Variants in RORC observed in about 807,000 individuals in gnomAD.
The protein encoded by RORC is nuclear receptor ROR-gamma.
RORC carries 13 observed loss-of-function variants against 64.5 expected under a neutral mutation model. The observed-to-expected ratio is 0.20, with a 90% CI of 0.13 to 0.32. RORC has a LOEUF of 0.32. RORC is among the 10% of genes least tolerant of loss of function. RORC has a pLI of 1.00. For synonymous variants in RORC, 277 were observed against 259.3 expected (o/e 1.07, Z -0.65); for missense variants, 468 against 669.5 (o/e 0.70, Z 3.32).
intron 2 of RORC, among the ~76,000 whole-genome samples, chr1:151,818,197 A>G (rs1651845337): frequency 6.6e-6 from 1 of 152,110 alleles, no homozygotes; most frequent in South Asian, 2.1e-4. Flanking sequence ...GCTTTCCATT[A>G]TGCTGTTCTG....
intron 2 of RORC, among the ~76,000 whole-genome samples, chr1:151,819,586 T>C (rs1213015378): frequency 2.6e-5 from 4 of 152,158 alleles, no homozygotes; most frequent in Admixed American, 2.6e-4. Context: ...CAAGCCGCAG[T>C]GGGAACTCGG....
Position 151,829,450 on chromosome 1 carries a change from C to T in RORC, c.49G>A (p.Ala17Thr). 6.5e-7 allele frequency: 1 copy of T among 1,535,810 alleles called. No homozygotes were observed. The highest frequency in any genetic ancestry group is 8.7e-7 in the Non-Finnish European group (1 of 1,149,044). ...RQHRASRELLAAKKTHTSQIE... is the reference protein window; with the variant it reads ...RQHRASRELLTAKKTHTSQIE... ...TCACAGGTGTGGGTCTTCTTTGCAGCCAGCAGCTCTGTAAAGACAAGAGAG... is the reference window on the plus strand; with the variant it reads ...TCACAGGTGTGGGTCTTCTTTGCAGTCAGCAGCTCTGTAAAGACAAGAGAG... Residue 17 changes from alanine to threonine, a missense_variant, in exon 2 of 11, where the codon GCT becomes ACT. Coordinates refer to ENST00000318247, the MANE Select transcript of RORC (RefSeq NM_005060.4).
chr1:151,812,071 G>C (rs1521186), intron 9 of RORC: 2 of 151,908 alleles, frequency 1.3e-5, no homozygotes, highest in South Asian at 4.1e-4. Flanking sequence ...TGCCAGGGGA[G>C]TGGATAGGAT....
intron 2 of RORC, chr1:151,826,157 A>G: frequency 8.4e-7 from 1 of 1,188,058 alleles, no homozygotes; most frequent in Non-Finnish European, 1.1e-6. Context: ...CCCACCCCCA[A>G]GGGGTGCAGT....
At chr1:151,828,672 T>C (rs1016723124) in intron 2 of RORC, among the ~76,000 whole-genome samples, 5 of 152,108 alleles carry the variant, frequency 3.3e-5, no homozygotes, top group African/African-American at 1.2e-4. Flanking sequence ...ACACCAAACC[T>C]GGCTCAGGAC....
chr1:151,810,217 G>T (rs1361348258), intron 10 of RORC, among the ~76,000 whole-genome samples: 1 of 152,016 alleles, frequency 6.6e-6, no homozygotes, highest in Non-Finnish European at 1.5e-5. Context: ...CTCAGGAAAA[G>T]GATTTTTTTT....
rs753112088 is a variant in RORC at position 151,830,701 on chromosome 1, C to T, written c.40+1024G>A. Reference sequence around the variant, plus strand: ...CGGGAGATGCTCCCCACTGGCAGGCCGTGGTCACTAGGCTGTGTGGAGGCG... The same window carrying T: ...CGGGAGATGCTCCCCACTGGCAGGCTGTGGTCACTAGGCTGTGTGGAGGCG... On this transcript the variant is annotated intron_variant, in intron 1 of 10. Transcript: ENST00000318247. This position sits in a 1 kb window ranked among gnomAD's most constrained non-coding sequence, Gnocchi z 4.0. Among the ~76,000 whole-genome samples, 1 of 150,700 alleles carries T rather than the reference C, an allele frequency of 6.6e-6. No homozygotes were observed. Among genetic ancestry groups the T allele is most frequent in the African/African-American group, 2.5e-5 (1 of 40,586 alleles).
In RORC at chr1:151,813,509, G is replaced by T. The variant is rs1286278056; in HGVS notation, c.1045C>A (p.Gln349Lys). The T allele has an allele frequency of 6.2e-7, 1 of 1,614,028 alleles. No homozygotes were observed. Among genetic ancestry groups the T allele is most frequent in the Non-Finnish European group, 8.5e-7 (1 of 1,180,040 alleles). Reference protein sequence around the residue: ...SGFMELCQNDQIVLLKAGAME... With the variant: ...SGFMELCQNDKIVLLKAGAME... ...GCACCTGCTTTGAGAAGCACAATCT[G>T]GTCATTCTGGCAGAGCTCCATAAAG... Residue 349 changes from glutamine to lysine, a missense_variant, in exon 7 of 11, where the codon CAG (glutamine) becomes AAG (lysine). Physicochemically the swap from Gln to Lys is moderately conservative, Grantham distance 53. Transcript: ENST00000318247.
In RORC at chr1:151,807,780, G is replaced by A. The variant is rs566949620; in HGVS notation, c.1396-147C>T. ...CTTTGGCACCAGCCAAATCCCACTG[G>A]TAGAAGTACGTGTGTGTTCAGGACA... On this transcript the variant is annotated intron_variant, in intron 10 of 10. Transcript: ENST00000318247. The surrounding 1 kb of genome is among the most constrained non-coding windows in gnomAD (Gnocchi z 5.0). The A allele has an allele frequency of 1.2e-5, 9 of 757,388 alleles. No homozygotes were observed. Among genetic ancestry groups the A allele is most frequent in the East Asian group, 5.3e-5 (2 of 37,704 alleles). The allele number at this position is 757,388 out of a possible 1,614,324, so 46.9% of individuals were successfully genotyped here. A position where few individuals can be genotyped will look rare whatever the true frequency, so the allele number is the denominator to read the frequency against.
Position 151,815,181 on chromosome 1 carries a change from G to C in RORC, c.543C>G (p.Gly181=). 1 of 1,614,014 alleles carries C rather than the reference G, an allele frequency of 6.2e-7. No individual in the cohort carries two copies. The highest frequency in any genetic ancestry group is 8.5e-7 in the Non-Finnish European group (1 of 1,179,946). ...ACPPGLLKAS[G]SGPSYSNNLA... Reference sequence around the variant, plus strand: ...AGTTGTTGGAATATGAGGGCCCAGAGCCTGAGGCTTTCAGGAGGCCAGGGG... The same window carrying C: ...AGTTGTTGGAATATGAGGGCCCAGACCCTGAGGCTTTCAGGAGGCCAGGGG... The change falls in exon 5 of 11, where the codon GGC becomes GGG. Residue 181 remains glycine, a synonymous_variant. Coordinates refer to ENST00000318247, the MANE Select transcript of RORC (RefSeq NM_005060.4).
In RORC at chr1:151,811,315, C is replaced by CT. The variant is rs1286672873; in HGVS notation, c.1395+9dup. On this transcript the variant is annotated intron_variant, in intron 10 of 10. Transcript: ENST00000318247. ...GGCCTGGCCTCTTCTACCCCAGGGA[C>CT]TGCTCCTACCTTTGCCAGGATGCTT... The CT allele has an allele frequency of 1.3e-6, 2 of 1,590,624 alleles. No homozygotes were observed. The highest frequency in any genetic ancestry group is 4.5e-5 in the East Asian group (2 of 44,772).
In RORC at chr1:151,812,195, A is replaced by C. The variant is rs373785040; in HGVS notation, c.1285+752T>G. The C allele has an allele frequency of 1.4e-4, 22 of 152,340 alleles. 1 individual carries two copies. The highest frequency in any genetic ancestry group is 5.3e-4 in the African/African-American group (22 of 41,574). The allele number at this position is 152,340 out of a possible 1,614,324, so 9.4% of individuals were successfully genotyped here. On this transcript the variant is annotated intron_variant, in intron 9 of 10. Transcript: ENST00000318247. ...GTTAAAATTCAGTGCACCCCTTATCAATTACAGATGGTCCCAGTCTTATGA... is the reference window on the plus strand; with the variant it reads ...GTTAAAATTCAGTGCACCCCTTATCCATTACAGATGGTCCCAGTCTTATGA...
At chr1:151,827,321 G>A (rs1652230551) in intron 2 of RORC, among the ~76,000 whole-genome samples, 1 of 152,152 alleles carries the variant, frequency 6.6e-6, no homozygotes, top group Non-Finnish European at 1.5e-5. Flanking sequence ...TGCTTTTGAG[G>A]GTGTCTCAGC....
In RORC at chr1:151,830,841, A is replaced by T. The variant is rs1324596409; in HGVS notation, c.40+884T>A. The T allele has an allele frequency of 1.1e-5, 5 of 465,368 alleles. No individual in the cohort carries two copies. Among genetic ancestry groups the T allele is most frequent in the Non-Finnish European group, 1.5e-5 (5 of 343,600 alleles). 28.8% of individuals were successfully genotyped at this position (465,368 alleles called of 1,614,324 possible). On this transcript the variant is annotated intron_variant, in intron 1 of 10. Coordinates refer to ENST00000318247, the MANE Select transcript of RORC (RefSeq NM_005060.4). This position sits in a 1 kb window ranked among gnomAD's most constrained non-coding sequence, Gnocchi z 4.0. ...CCCTTGCTCCTGCCTGGCCCCACCC[A>T]GCTTCCTCCCTGACGTGGCACCGGC...
At chr1:151,821,552 C>A (rs1254399860) in intron 2 of RORC, among the ~76,000 whole-genome samples, 1 of 152,168 alleles carries the variant, frequency 6.6e-6, no homozygotes, top group East Asian at 1.9e-4. Flanking sequence ...GAAATAGGCC[C>A]TGCTAGTATC....
Position 151,814,689 on chromosome 1 carries a change from A to T in RORC, c.818T>A (p.Leu273Gln). Residue 273 changes from leucine (L) to glutamine (Q), a missense_variant, in exon 6 of 11, where the codon CTG (leucine) becomes CAG (glutamine). By Grantham distance (113) the Leu-to-Gln change is moderately radical. Transcript: ENST00000318247. ...PYASLTEIEHLVQSVCKSYRE... is the reference protein window; with the variant it reads ...PYASLTEIEHQVQSVCKSYRE... ...GTAGGACTTGCAGACGCTCTGCACC[A>T]GGTGCTCTGGGGCCGGAGAAGGAAG... is the stretch of plus-strand genomic sequence containing the variant. 1.2e-6 allele frequency: 2 copies of T among 1,606,986 alleles called. No homozygotes were observed. The highest frequency in any genetic ancestry group is 1.7e-6 in the Non-Finnish European group (2 of 1,174,468).
chr1:151,829,303 T>C (rs1333704901), intron 2 of RORC, 126 bp downstream of exon 2: 4 of 829,704 alleles, frequency 4.8e-6, no homozygotes, highest in Admixed American at 6.0e-5. Context: ...TGCTTTCCTG[T>C]TGCCTGCCAT....
chr1:151,823,107 A>G (rs929694821), intron 2 of RORC, among the ~76,000 whole-genome samples: 5 of 152,132 alleles, frequency 3.3e-5, no homozygotes, highest in African/African-American at 1.2e-4. Flanking sequence ...AGACGGGGAA[A>G]GAGAAGGGTG....
chr1:151,823,856 G>T (rs1470132964), intron 2 of RORC, among the ~76,000 whole-genome samples: 1 of 152,124 alleles, frequency 6.6e-6, no homozygotes, highest in Non-Finnish European at 1.5e-5. Context: ...TGTTGCCCAG[G>T]CTGGTCTCAA....
Sources: allele counts gnomAD v4.1 joint callset (sites outside exome capture counted in the v4.1 genomes callset), GRCh38; gene constraint gnomAD v4.1.1; non-coding constraint Gnocchi (gnomAD v3.1); transcripts MANE v1.5; gene names NCBI Gene and HGNC (gene_info 2026-07-23, HGNC 2026-07-21).